The following IMPG1 variants were observed in gnomAD, a reference collection of about 807,000 sequenced individuals.
The protein encoded by IMPG1 is interphotoreceptor matrix proteoglycan 1, also known as interphotoreceptor matrix proteoglycan of 150 kDa.
In IMPG1, 85 loss-of-function variants were observed where a neutral mutation model predicts 92.0. The observed-to-expected ratio is 0.92, with a 90% CI of 0.78 to 1.11. The LOEUF (loss-of-function observed/expected upper bound fraction) is 1.11. Ranked by LOEUF, IMPG1 falls within the 50% of genes least tolerant of loss-of-function variation. The probability of loss-of-function intolerance (pLI) is 0.00; values close to 1 mark genes in which losing one functional copy is unlikely to be tolerated. For missense variants in IMPG1, 1,022 were observed against 956.0 expected, an observed-to-expected ratio of 1.07 and a Z score of -0.91; for synonymous variants, 367 against 334.1, an observed-to-expected ratio of 1.10 and a Z score of -1.08.
At chr6:75,974,168 A>G (rs1231371337) in intron 12 of IMPG1, among the ~76,000 whole-genome samples, 1 of 152,204 alleles carries the variant, frequency 6.6e-6, no homozygotes, top group Non-Finnish European at 1.5e-5. Flanking sequence ...ATTTTAGTGC[A>G]AATTTGGAAA....
intron 13 of IMPG1, among the ~76,000 whole-genome samples, chr6:75,950,040 A>C (rs1344533399): frequency 6.6e-6 from 1 of 152,164 alleles, no homozygotes; most frequent in Non-Finnish European, 1.5e-5. Flanking sequence ...TATATGTCAT[A>C]ATAATTATCT....
chr6:75,930,824 G>A (rs968990659), intron 15 of IMPG1, 129 bp downstream of exon 15: 1 of 816,958 alleles, frequency 1.2e-6, no homozygotes, highest in Admixed American at 2.5e-5. Context: ...TTTTCTGGGT[G>A]ATTTCTACAC....
In IMPG1 at chr6:75,974,282, CTTCT is replaced by C. The variant is rs375012102; in HGVS notation, c.1292-23192_1292-23189del. ...TCTTTCTCTCTCTTTCTTTCTCTCT[CTTCT>C]TTCTTTCTCTTTCTTTTCTTTTCTT... On this transcript the variant is annotated intron_variant, in intron 12 of 16. Coordinates refer to ENST00000369950, the MANE Select transcript of IMPG1 (RefSeq NM_001563.4). Among the ~76,000 whole-genome samples, 75 of 150,970 alleles carry C rather than the reference CTTCT, an allele frequency of 5.0e-4. 1 individual carries two copies. The highest frequency in any genetic ancestry group is 1.6e-3 in the African/African-American group (65 of 40,802).
At chr6:76,039,206 G>A (rs182581056) in intron 2 of IMPG1, among the ~76,000 whole-genome samples, 1 of 152,288 alleles carries the variant, frequency 6.6e-6, no homozygotes, top group Admixed American at 6.5e-5. Flanking sequence ...AGTAGGTCTG[G>A]GGTGGGATGT....
intron 10 of IMPG1, among the ~76,000 whole-genome samples, chr6:76,004,511 T>C (rs897244764): frequency 2.1e-4 from 32 of 152,176 alleles, no homozygotes; most frequent in Non-Finnish European, 4.1e-4. Context: ...TAAGAGTGCC[T>C]ATCTTAGGCA....
chr6:76,016,439 A>G (rs1165266785), intron 7 of IMPG1, among the ~76,000 whole-genome samples: 2 of 152,224 alleles, frequency 1.3e-5, no homozygotes, highest in African/African-American at 2.4e-5. Context: ...ATGTTAACAA[A>G]CTATTCTTTA....
chr6:76,067,328 A>G (rs1246509099), intron 1 of IMPG1, among the ~76,000 whole-genome samples: 1 of 152,110 alleles, frequency 6.6e-6, no homozygotes, highest in Non-Finnish European at 1.5e-5. Flanking sequence ...AATTCATATA[A>G]GCACAATCAC....
intron 7 of IMPG1, among the ~76,000 whole-genome samples, chr6:76,013,625 T>A (rs539673532): frequency 6.6e-6 from 1 of 152,176 alleles, no homozygotes; most frequent in African/African-American, 2.4e-5. Flanking sequence ...ACCGAGATCA[T>A]GCTCCTTGGC....
In IMPG1 at chr6:76,041,907, T is replaced by A. The variant is rs1783848950; in HGVS notation, c.287A>T (p.Tyr96Phe). Residue 96 changes from tyrosine (Y) to phenylalanine (F), a missense_variant, in exon 2 of 17, where the codon TAT (tyrosine) becomes TTT (phenylalanine). Around this residue, in one of 3 missense-constraint regions of IMPG1, gnomAD observed 681 missense variants for 583.6 expected, o/e 1.17. Transcript: ENST00000369950. ...MKQILDSLQA[Y>F]YRLRVCQEAV... ...TCTTTCCTTACCTCTCAATCTATAATAAGCTTGAAGACTGTCTAAAATCTG... is the reference window on the plus strand; with the variant it reads ...TCTTTCCTTACCTCTCAATCTATAAAAAGCTTGAAGACTGTCTAAAATCTG... The A allele has an allele frequency of 1.9e-6, 3 of 1,601,574 alleles. No homozygotes were observed. Among genetic ancestry groups the A allele is most frequent in the Non-Finnish European group, 2.6e-6 (3 of 1,168,562 alleles).
At chr6:75,928,889 T>C (rs981299324) in intron 15 of IMPG1, among the ~76,000 whole-genome samples, 2 of 152,246 alleles carry the variant, frequency 1.3e-5, no homozygotes, top group African/African-American at 4.8e-5. Flanking sequence ...GGATCTTTTA[T>C]GCTGCAATTT....
At chr6:75,935,096 A>T (rs138153544) in intron 14 of IMPG1, 2 of 457,212 alleles carry the variant, frequency 4.4e-6, no homozygotes, top group East Asian at 7.1e-5. Flanking sequence ...TTCTCGCTAG[A>T]TGGCGCTCAA....
intron 12 of IMPG1, among the ~76,000 whole-genome samples, chr6:75,954,358 G>A (rs1162767912): frequency 1.3e-5 from 2 of 152,162 alleles, no homozygotes; most frequent in Non-Finnish European, 2.9e-5. Flanking sequence ...TTTCTCTAAT[G>A]ACCAGTGATG....
chr6:75,987,276 G>A (rs1477339966), intron 12 of IMPG1, among the ~76,000 whole-genome samples: 1 of 150,710 alleles, frequency 6.6e-6, no homozygotes, highest in African/African-American at 2.4e-5. Flanking sequence ...GGGAAGGATC[G>A]TTGAACTTCA....
At chr6:76,034,928 C>A in intron 2 of IMPG1, 141 bp from the exon 3 acceptor site, 2 of 686,396 alleles carry the variant, frequency 2.9e-6, no homozygotes, top group South Asian at 2.2e-5. Context: ...ATTCATTTAA[C>A]AAATATTTAT....
intron 12 of IMPG1, among the ~76,000 whole-genome samples, chr6:75,966,856 T>A (rs990566853): frequency 3.3e-5 from 5 of 152,062 alleles, no homozygotes; most frequent in African/African-American, 1.2e-4. Context: ...CTCAAACCTA[T>A]GACAGGAGAA....
intron 13 of IMPG1, among the ~76,000 whole-genome samples, chr6:75,948,931 A>T (rs535774273): frequency 2.0e-5 from 3 of 152,174 alleles, no homozygotes; most frequent in Admixed American, 2.0e-4. Flanking sequence ...AGCTTTGACC[A>T]TGTGAATGAG....
chr6:75,993,456 C>T (rs998610422), intron 12 of IMPG1, among the ~76,000 whole-genome samples: 12 of 147,250 alleles, frequency 8.1e-5, no homozygotes, highest in Non-Finnish European at 1.6e-4. Context: ...CCCCACATGG[C>T]GGAAAAGGAG....
chr6:75,943,614 G>T (rs1207991930), intron 14 of IMPG1, among the ~76,000 whole-genome samples: 6 of 152,170 alleles, frequency 3.9e-5, no homozygotes, highest in African/African-American at 1.4e-4. Context: ...TTCCTTTATA[G>T]CAATACAAAC....
At chr6:76,015,030 TA>T (rs1783259805) in intron 7 of IMPG1, among the ~76,000 whole-genome samples, 1 of 152,210 alleles carries the variant, frequency 6.6e-6, no homozygotes, top group South Asian at 2.1e-4. Flanking sequence ...CAGTTAACCT[TA>T]TTAATAATAC....
Sources: gnomAD v4.1 joint callset for allele counts (sites outside exome capture counted in the v4.1 genomes callset) on GRCh38, gnomAD v4.1.1 for gene constraint, gnomAD v4.1.1 regional missense constraint, MANE v1.5 for transcripts, NCBI Gene and HGNC (gene_info 2026-07-23, HGNC 2026-07-21) for gene names.